Variants in GREB1L observed in about 807,000 individuals in gnomAD.
GREB1L encodes the protein GREB1-like protein.
A neutral mutation model predicts 200.8 loss-of-function variants in GREB1L; 17 were observed. That is an observed-to-expected ratio of 0.08 (90% CI 0.06 to 0.13). The LOEUF is 0.13. Among genes scored for constraint, GREB1L ranks in the 10% least tolerant of loss-of-function variants. GREB1L has a pLI of 1.00. For missense variants in GREB1L, 1,657 were observed against 2,367.7 expected (o/e 0.70, Z 6.23); for synonymous variants, 789 against 893.0 (o/e 0.88, Z 2.08).
At position 21,415,459 on chromosome 18, in the gene GREB1L, A is replaced by G. The variant is rs191664772; in HGVS notation, c.832+11465A>G. On this transcript the variant is annotated intron_variant, in intron 7 of 32. Coordinates refer to ENST00000424526, the MANE Select transcript of GREB1L (RefSeq NM_001142966.3). ...TGAGGCTGAAGTGAGCTATGATTGAACCACTGTGCTCCAGCCTGGGCAGCG... is the reference window on the plus strand; with the variant it reads ...TGAGGCTGAAGTGAGCTATGATTGAGCCACTGTGCTCCAGCCTGGGCAGCG... Among the ~76,000 whole-genome samples, 21 of 152,150 alleles carry G rather than the reference A, an allele frequency of 1.4e-4. No individual in the cohort carries two copies. In the East Asian group the frequency reaches 4.1e-3, roughly 29 times the overall value.
chr18:21,498,522 G>T (rs969207275), intron 21 of GREB1L, among the ~76,000 whole-genome samples: 3 of 152,192 alleles, frequency 2.0e-5, no homozygotes, highest in African/African-American at 7.2e-5. Context: ...CCAGCATGAG[G>T]AGGAGGAGCA....
chr18:21,373,095 G>A (rs2039943138), intron 2 of GREB1L, among the ~76,000 whole-genome samples: 1 of 152,068 alleles, frequency 6.6e-6, no homozygotes, highest in Admixed American at 6.6e-5. Context: ...TGGCAGGAAT[G>A]CTTCCTAGGT....
intron 10 of GREB1L, among the ~76,000 whole-genome samples, chr18:21,443,939 A>G (rs1170964843): frequency 6.6e-6 from 1 of 152,176 alleles, no homozygotes; most frequent in Non-Finnish European, 1.5e-5. Flanking sequence ...ACTTTGTGGA[A>G]TTTTTTCTTC....
chr18:21,476,622 C>A (rs191413847), intron 16 of GREB1L, among the ~76,000 whole-genome samples: 80 of 151,834 alleles, frequency 5.3e-4, no homozygotes, highest in Non-Finnish European at 9.1e-4. Flanking sequence ...CAGGCTGGAG[C>A]ACAGTGGCGT....
intron 1 of GREB1L, among the ~76,000 whole-genome samples, chr18:21,344,403 A>AAACAACAACAACAACAACAACAAC (rs146104394): frequency 9.4e-4 from 142 of 150,340 alleles, no homozygotes; most frequent in African/African-American, 2.7e-3. Flanking sequence ...TCTGTCTCAA[A>AAACAACAACAACAACAACAACAAC]AACAACAACA....
intron 1 of GREB1L, among the ~76,000 whole-genome samples, chr18:21,268,920 G>A (rs555793449): frequency 6.6e-6 from 1 of 151,838 alleles, no homozygotes; most frequent in Admixed American, 6.6e-5. Flanking sequence ...TGAGGAGATT[G>A]GTCATATCTG....
chr18:21,326,809 C>T lies in GREB1L; in HGVS notation c.-119-39218C>T, dbSNP rs1213362937. Among the ~76,000 whole-genome samples, 8 of 152,286 alleles carry T rather than the reference C, an allele frequency of 5.3e-5. 1 individual carries two copies. The East Asian group carries it at 1.5e-3, about 29-fold the overall frequency. On this transcript the variant is annotated intron_variant, in intron 1 of 32. Transcript: ENST00000424526. ...AAGTTCTTCCCATTTAGAAACTTCC[C>T]GAGCTGTTAAATAGAAGTATTAACC...
chr18:21,380,869 G>A (rs1417683912), intron 2 of GREB1L, among the ~76,000 whole-genome samples: 1 of 152,166 alleles, frequency 6.6e-6, no homozygotes, highest in Non-Finnish European at 1.5e-5. Flanking sequence ...GGGAGGCTGA[G>A]GCGGGTGGAT....
intron 1 of GREB1L, among the ~76,000 whole-genome samples, chr18:21,335,487 A>G (rs1462545839): frequency 6.6e-6 from 1 of 152,176 alleles, no homozygotes; most frequent in Non-Finnish European, 1.5e-5. Flanking sequence ...CAAGGACAAA[A>G]GATTTTTTTG....
At chr18:21,420,759 T>C (rs1275060540) in intron 7 of GREB1L, among the ~76,000 whole-genome samples, 1 of 152,204 alleles carries the variant, frequency 6.6e-6, no homozygotes, top group African/African-American at 2.4e-5. Flanking sequence ...ATACCAGCCA[T>C]ATGGTCTAGC....
chr18:21,327,416 G>A (rs1253598442), intron 1 of GREB1L, among the ~76,000 whole-genome samples: 1 of 151,992 alleles, frequency 6.6e-6, no homozygotes, highest in South Asian at 2.1e-4. Context: ...TTAAATAAAC[G>A]ACATCTCAGC....
Position 21,505,953 on chromosome 18 carries a change from C to G in GREB1L, c.4368+4C>G, listed in dbSNP as rs1304761246. On this transcript the variant is annotated splice_donor_region_variant and intron_variant, in intron 25 of 32. Coordinates refer to ENST00000424526, the MANE Select transcript of GREB1L (RefSeq NM_001142966.3). ...GGACTTCACCTCTGCCTCCCAGGTA[C>G]CATCCCACCTTCGCCCTCGCCCTCT... The G allele has an allele frequency of 1.4e-5, 22 of 1,550,382 alleles. No individual in the cohort carries two copies. Among genetic ancestry groups the G allele is most frequent in the Non-Finnish European group, 1.8e-5 (21 of 1,146,136 alleles).
At chr18:21,397,715 C>T (rs1420843704) in intron 5 of GREB1L, among the ~76,000 whole-genome samples, 1 of 151,922 alleles carries the variant, frequency 6.6e-6, no homozygotes, top group Non-Finnish European at 1.5e-5. Flanking sequence ...AAAGAAAAAA[C>T]GTTTTCACTT....
At chr18:21,331,367 C>T (rs1465807168) in intron 1 of GREB1L, among the ~76,000 whole-genome samples, 3 of 152,252 alleles carry the variant, frequency 2.0e-5, no homozygotes, top group Admixed American at 1.3e-4. Context: ...GAGAGGAAAT[C>T]GGAGAAATCC....
In GREB1L at chr18:21,335,911, C is replaced by T. The variant is rs573788227; in HGVS notation, c.-119-30116C>T. ...ATCTCCTGACCTCGTGATCCACCTTCCTCAGCCTCCCAAAGTGCTGGGATT... is the reference window on the plus strand; with the variant it reads ...ATCTCCTGACCTCGTGATCCACCTTTCTCAGCCTCCCAAAGTGCTGGGATT... On this transcript the variant is annotated intron_variant, in intron 1 of 32. Transcript: ENST00000424526. 2.6e-5 allele frequency among the ~76,000 whole-genome samples: 4 copies of T among 152,240 alleles called. No homozygotes were observed. In the South Asian group the frequency reaches 6.2e-4, roughly 24 times the overall value.
At chr18:21,326,995 A>G (rs1032911210) in intron 1 of GREB1L, among the ~76,000 whole-genome samples, 12 of 152,208 alleles carry the variant, frequency 7.9e-5, no homozygotes, top group East Asian at 3.8e-4. Flanking sequence ...ATCCATTGAG[A>G]CATTGAGTTT....
In GREB1L at chr18:21,500,144, G is replaced by C; in HGVS notation, c.3807G>C (p.Arg1269=). 6.4e-7 allele frequency: 1 copy of C among 1,551,500 alleles called. No homozygotes were observed. Among genetic ancestry groups the C allele is most frequent in the Non-Finnish European group, 8.7e-7 (1 of 1,147,020 alleles). The change falls in exon 22 of 33, where the codon CGG becomes CGC. Residue 1269 remains arginine, a synonymous_variant. Coordinates refer to ENST00000424526, the MANE Select transcript of GREB1L (RefSeq NM_001142966.3). Reference sequence around the variant, plus strand: ...ACGTGGCCTGGGTGAGCTCCCTGCGGCCACTCCTGAACAAGGACATGAGCA... The same window carrying C: ...ACGTGGCCTGGGTGAGCTCCCTGCGCCCACTCCTGAACAAGGACATGAGCA... ...HADVAWVSSL[R]PLLNKDMSSE...
At chr18:21,449,305 A>G (rs1333012648) in intron 11 of GREB1L, among the ~76,000 whole-genome samples, 3 of 152,162 alleles carry the variant, frequency 2.0e-5, no homozygotes, top group Non-Finnish European at 4.4e-5. Flanking sequence ...TTTTTTTTAC[A>G]AAGATTGAGG....
Position 21,286,831 on chromosome 18 carries a change from G to A in GREB1L, c.-120+44438G>A, listed in dbSNP as rs1056112988. Among the ~76,000 whole-genome samples, 14 of 152,208 alleles carry A rather than the reference G, an allele frequency of 9.2e-5. No individual in the cohort carries two copies. In the South Asian group the frequency reaches 1.9e-3, roughly 20 times the overall value. On this transcript the variant is annotated intron_variant, in intron 1 of 32. Transcript: ENST00000424526. ...TGATTTTATTTTGATTTTGTTTTTA[G>A]AGATAGGGTCTCACCATGTTGCTTA...
Sources: gnomAD v4.1 joint callset for allele counts (sites outside exome capture counted in the v4.1 genomes callset) on GRCh38, gnomAD v4.1.1 for gene constraint, MANE v1.5 for transcripts, NCBI Gene and HGNC (gene_info 2026-07-23, HGNC 2026-07-21) for gene names.